The following KLHL29 variants were observed in gnomAD, a reference collection of about 807,000 sequenced individuals.
The protein encoded by KLHL29 is kelch-like protein 29.
KLHL29 carries 21 observed loss-of-function variants against 80.4 expected under a neutral mutation model. The observed-to-expected ratio is 0.26, with a 90% CI of 0.19 to 0.38. The LOEUF (loss-of-function observed/expected upper bound fraction) is 0.38, where lower values mean the gene tolerates loss of function less well. KLHL29 is among the 10% of genes least tolerant of loss of function. The pLI is 1.00. For missense variants in KLHL29, 867 were observed against 1,223.9 expected (o/e 0.71, Z 4.35); for synonymous variants, 511 against 526.8 (o/e 0.97, Z 0.41).
chr2:23,523,063 G>C (rs1186637627), intron 2 of KLHL29, among the ~76,000 whole-genome samples: 1 of 150,836 alleles, frequency 6.6e-6, no homozygotes, highest in African/African-American at 2.4e-5. Flanking sequence ...AGGGGGGATG[G>C]TTCTCAGAAC....
intron 2 of KLHL29, among the ~76,000 whole-genome samples, chr2:23,488,764 A>G (rs576956285): frequency 4.6e-5 from 7 of 152,192 alleles, no homozygotes; most frequent in Non-Finnish European, 8.8e-5. Context: ...ATGGGCCACA[A>G]GTGGGCCACA....
At chr2:23,397,462 T>C (rs747783066) in intron 1 of KLHL29, among the ~76,000 whole-genome samples, 9 of 152,268 alleles carry the variant, frequency 5.9e-5, no homozygotes, top group Non-Finnish European at 1.2e-4. Flanking sequence ...AAGTCACAAT[T>C]TGACAGCTGT....
At chr2:23,687,739 A>G (rs942005635) in intron 6 of KLHL29, among the ~76,000 whole-genome samples, 1 of 152,116 alleles carries the variant, frequency 6.6e-6, no homozygotes, top group Non-Finnish European at 1.5e-5. Flanking sequence ...AGTGGGGAAG[A>G]GCAAGGTCGA....
chr2:23,621,428 C>G (rs1271341304), intron 3 of KLHL29, among the ~76,000 whole-genome samples: 1 of 152,034 alleles, frequency 6.6e-6, no homozygotes, highest in Non-Finnish European at 1.5e-5. Flanking sequence ...GGGGCTGAAA[C>G]AGCAGTAACT....
At chr2:23,404,711 G>T (rs962395307) in intron 1 of KLHL29, among the ~76,000 whole-genome samples, 1 of 152,214 alleles carries the variant, frequency 6.6e-6, no homozygotes. Flanking sequence ...CACTTAATAC[G>T]TCCTGCCGAG....
Position 23,562,844 on chromosome 2 carries a change from T to C in KLHL29, c.285+363T>C, listed in dbSNP as rs1229979520. On this transcript the variant is annotated intron_variant, in intron 3 of 13. Transcript: ENST00000486442. The surrounding 1 kb of genome is among the most constrained non-coding windows in gnomAD (Gnocchi z 4.5). ...GAGACCATGCAAGCATCCCTGGGGG[T>C]GCCAGTAACTTGGGTGTGCAAGAAG... Among the ~76,000 whole-genome samples, 1 of 151,952 alleles carries C rather than the reference T, an allele frequency of 6.6e-6. No individual in the cohort carries two copies. The highest frequency in any genetic ancestry group is 1.5e-5 in the Non-Finnish European group (1 of 68,002).
At chr2:23,597,529 T>C (rs1668459785) in intron 3 of KLHL29, among the ~76,000 whole-genome samples, 1 of 147,682 alleles carries the variant, frequency 6.8e-6, no homozygotes, top group African/African-American at 2.5e-5. Context: ...GTTCAAGTGA[T>C]TCTCCTGCCT....
intron 1 of KLHL29, among the ~76,000 whole-genome samples, chr2:23,409,248 G>A (rs1558327448): frequency 1.3e-5 from 2 of 152,172 alleles, no homozygotes; most frequent in East Asian, 1.9e-4. Flanking sequence ...AAATATGACC[G>A]TAATATCTAG....
intron 5 of KLHL29, among the ~76,000 whole-genome samples, chr2:23,651,074 G>A (rs369026028): frequency 6.6e-6 from 1 of 152,232 alleles, no homozygotes; most frequent in South Asian, 2.1e-4. Flanking sequence ...AATAATACAA[G>A]CAGAGTATTT....
At chr2:23,508,100 C>G (rs750987004) in intron 2 of KLHL29, among the ~76,000 whole-genome samples, 25 of 152,208 alleles carry the variant, frequency 1.6e-4, no homozygotes, top group Non-Finnish European at 3.4e-4. Context: ...CCCTAAGACC[C>G]CACGCTTAGG....
chr2:23,687,453 C>T (rs755309732), intron 6 of KLHL29, among the ~76,000 whole-genome samples: 2 of 152,246 alleles, frequency 1.3e-5, no homozygotes, highest in Non-Finnish European at 2.9e-5. Context: ...CCCTGCCCCA[C>T]AGCCACAGGA....
At chr2:23,422,324 G>A (rs1452333343) in intron 1 of KLHL29, among the ~76,000 whole-genome samples, 2 of 151,170 alleles carry the variant, frequency 1.3e-5, no homozygotes, top group Non-Finnish European at 3.0e-5. Context: ...GTGTACATGT[G>A]CCAGTGGGTC....
At position 23,457,474 on chromosome 2, in the gene KLHL29, T is replaced by C. The variant is rs1664087963; in HGVS notation, c.-153-18086T>C. 6.6e-6 allele frequency among the ~76,000 whole-genome samples: 1 copy of C among 152,202 alleles called. No individual in the cohort carries two copies. Among genetic ancestry groups the C allele is most frequent in the South Asian group, 2.1e-4 (1 of 4,828 alleles). ...CCCTTCCCCTCCAGGACCCCTGCGG[T>C]GTGAGTGCTACTCCTTTGGCCCCAT... On this transcript the variant is annotated intron_variant, in intron 1 of 13. Transcript: ENST00000486442. The surrounding 1 kb of genome is among the most constrained non-coding windows in gnomAD (Gnocchi z 4.3).
chr2:23,474,952 T>TAG (rs1223075382), intron 1 of KLHL29, among the ~76,000 whole-genome samples: 2 of 151,264 alleles, frequency 1.3e-5, no homozygotes, highest in Non-Finnish European at 2.9e-5. Context: ...GAACCAGGAG[T>TAG]AGCTCTGCCT....
In KLHL29 at chr2:23,695,408, C is replaced by T. The variant is rs1671889315; in HGVS notation, c.1543-215C>T. 6.6e-6 allele frequency among the ~76,000 whole-genome samples: 1 copy of T among 152,080 alleles called. No individual in the cohort carries two copies. On this transcript the variant is annotated intron_variant, in intron 8 of 13. Coordinates refer to ENST00000486442, the MANE Select transcript of KLHL29 (RefSeq NM_052920.2). The surrounding 1 kb of genome is among the most constrained non-coding windows in gnomAD (Gnocchi z 7.6). ...AGGGCTGGCTGCAGCCTGCCAGCCT[C>T]CCCTCCGCACCCCTGCGCTCCCGGC... is the stretch of plus-strand genomic sequence containing the variant.
In KLHL29 at chr2:23,529,142, CTG is replaced by C. The variant is rs966446782; in HGVS notation, c.-45-33008_-45-33007del. On this transcript the variant is annotated intron_variant, in intron 2 of 13. Coordinates refer to ENST00000486442, the MANE Select transcript of KLHL29 (RefSeq NM_052920.2). ...TTTTTTTTAGAGACAAGTTCTTGCT[CTG>C]TCACGCAGGCTGCAGTGTGCAGTGG... Among the ~76,000 whole-genome samples, 9 of 152,370 alleles carry C rather than the reference CTG, an allele frequency of 5.9e-5. No homozygotes were observed. The Middle Eastern group carries it at 0.01, about 173-fold the overall frequency.
chr2:23,640,007 AT>A (rs1669722169), intron 4 of KLHL29, among the ~76,000 whole-genome samples: 1 of 152,122 alleles, frequency 6.6e-6, no homozygotes, highest in Admixed American at 6.5e-5. Flanking sequence ...TGCCCGGCAC[AT>A]GCTTCCTTCA....
chr2:23,686,750 C>T (rs1671278814), intron 6 of KLHL29, among the ~76,000 whole-genome samples: 1 of 152,038 alleles, frequency 6.6e-6, no homozygotes, highest in African/African-American at 2.4e-5. Flanking sequence ...CAGCCAGGTG[C>T]ATGGAACTGA....
Position 23,569,225 on chromosome 2 carries a change from C to A in KLHL29, c.285+6744C>A, listed in dbSNP as rs1186894897. Among the ~76,000 whole-genome samples, 3 of 152,214 alleles carry A rather than the reference C, an allele frequency of 2.0e-5. No homozygotes were observed. In the East Asian group the frequency reaches 5.8e-4, roughly 29 times the overall value. ...CAGAGGCTTTCTCCCTGTGAAAATC[C>A]ACTTGGGAAAACAAATTCTGATGGG... On this transcript the variant is annotated intron_variant, in intron 3 of 13. Transcript: ENST00000486442.
Sources: allele counts gnomAD v4.1 joint callset (sites outside exome capture counted in the v4.1 genomes callset), GRCh38; gene constraint gnomAD v4.1.1; non-coding constraint Gnocchi (gnomAD v3.1); transcripts MANE v1.5; gene names NCBI Gene and HGNC (gene_info 2026-07-23, HGNC 2026-07-21).